Variants in SGCZ observed in about 807,000 individuals in gnomAD.
SGCZ encodes the protein zeta-sarcoglycan.
A neutral mutation model predicts 41.3 loss-of-function variants in SGCZ; 40 were observed. The ratio of observed to expected loss-of-function variants is 0.97; its 90% CI spans 0.75 to 1.26. The LOEUF (loss-of-function observed/expected upper bound fraction) is 1.26, where lower values mean the gene tolerates loss of function less well. SGCZ is among the 50% of genes most tolerant of loss of function. The pLI is 0.00. For missense variants in SGCZ, 552 were observed against 369.8 expected (o/e 1.49, Z -4.04); for synonymous variants, 206 against 137.5 (o/e 1.50, Z -3.49).
At chr8:14,987,216 C>T (rs117306691) in intron 1 of SGCZ, among the ~76,000 whole-genome samples, 3,616 of 151,864 alleles carry the variant, frequency 0.024, 74 homozygotes, top group South Asian at 0.099. Context: ...CCAAAAAGTA[C>T]ATTATAGATA....
chr8:14,262,500 C>A (rs1799709403), intron 3 of SGCZ, among the ~76,000 whole-genome samples: 2 of 151,816 alleles, frequency 1.3e-5, no homozygotes. Context: ...GACAAATAGC[C>A]ATAGTATTTC....
chr8:14,433,272 T>C lies in SGCZ; in HGVS notation c.235-109068A>G, dbSNP rs552608572. Among the ~76,000 whole-genome samples, 3 of 152,278 alleles carry C rather than the reference T, an allele frequency of 2.0e-5. No homozygotes were observed. The South Asian group carries it at 6.2e-4, about 32-fold the overall frequency. On this transcript the variant is annotated intron_variant, in intron 2 of 7. Transcript: ENST00000382080. ...CTGAATAAAGATAACATTTAAACAA[T>C]ACAATTGTTTTATTACTTGTCCGTT...
At chr8:14,866,861 A>AG (rs1803950363) in intron 1 of SGCZ, among the ~76,000 whole-genome samples, 1 of 152,180 alleles carries the variant, frequency 6.6e-6, no homozygotes, top group African/African-American at 2.4e-5. Context: ...AAAGAAAAAA[A>AG]AGTTTATCTG....
At chr8:14,441,651 C>CTCAAGATATGA in intron 2 of SGCZ, among the ~76,000 whole-genome samples, 1 of 152,154 alleles carries the variant, frequency 6.6e-6, no homozygotes, top group South Asian at 2.1e-4. Context: ...CAAGGCTTTT[C>CTCAAGATATGA]AGATTCATAT....
At chr8:14,164,108 A>G (rs966644415) in intron 5 of SGCZ, among the ~76,000 whole-genome samples, 11 of 152,266 alleles carry the variant, frequency 7.2e-5, no homozygotes, top group African/African-American at 2.4e-4. Flanking sequence ...TGTGTATAGC[A>G]TTAGTTTTTT....
intron 1 of SGCZ, among the ~76,000 whole-genome samples, chr8:14,680,964 G>GAAAAAA (rs71209075): frequency 5.1e-5 from 6 of 117,932 alleles, no homozygotes; most frequent in South Asian, 2.8e-4. Flanking sequence ...AAAAGAGTGG[G>GAAAAAA]AAAAAAAAAA....
intron 1 of SGCZ, among the ~76,000 whole-genome samples, chr8:14,883,510 T>C (rs1474081180): frequency 6.6e-6 from 1 of 152,130 alleles, no homozygotes; most frequent in Non-Finnish European, 1.5e-5. Flanking sequence ...GATCCAATCC[T>C]TATTTTATTT....
intron 5 of SGCZ, among the ~76,000 whole-genome samples, chr8:14,113,148 C>G (rs949815553): frequency 2.0e-5 from 3 of 152,076 alleles, no homozygotes; most frequent in Non-Finnish European, 4.4e-5. Context: ...CCATTGATAT[C>G]TCACCTGTGC....
intron 1 of SGCZ, among the ~76,000 whole-genome samples, chr8:14,984,236 G>C (rs969148591): frequency 6.6e-6 from 1 of 152,052 alleles, no homozygotes; most frequent in Non-Finnish European, 1.5e-5. Flanking sequence ...ATTCCAGACA[G>C]CAAAACATTT....
At chr8:14,983,797 G>T (rs1801746416) in intron 1 of SGCZ, among the ~76,000 whole-genome samples, 4 of 152,092 alleles carry the variant, frequency 2.6e-5, no homozygotes, top group Admixed American at 2.6e-4. Context: ...GTTTTCTACT[G>T]CCTGAGCTCC....
intron 1 of SGCZ, among the ~76,000 whole-genome samples, chr8:14,702,813 GTAGATAGATAGA>G (rs71209077): frequency 0.14 from 16,178 of 114,504 alleles, 1,275 homozygotes; most frequent in African/African-American, 0.19. Context: ...AGGTAGTTAG[GTAGATAGATAGA>G]TAGATAGATA....
intron 5 of SGCZ, among the ~76,000 whole-genome samples, chr8:14,133,640 C>A (rs1803108240): frequency 6.6e-6 from 1 of 152,090 alleles, no homozygotes; most frequent in African/African-American, 2.4e-5. Flanking sequence ...AAGATTTTTA[C>A]CATTTTGAAG....
intron 1 of SGCZ, among the ~76,000 whole-genome samples, chr8:14,846,864 G>C (rs1397126673): frequency 6.6e-6 from 1 of 152,024 alleles, no homozygotes; most frequent in Non-Finnish European, 1.5e-5. Flanking sequence ...GAGTTCAGGA[G>C]TTTGAGACCA....
intron 1 of SGCZ, among the ~76,000 whole-genome samples, chr8:14,842,762 C>A (rs1290118642): frequency 1.3e-5 from 2 of 152,134 alleles, no homozygotes; most frequent in African/African-American, 2.4e-5. Context: ...GATTTGTACA[C>A]TGGATTTTAA....
intron 1 of SGCZ, among the ~76,000 whole-genome samples, chr8:14,908,670 A>G (rs1056163714): frequency 6.7e-6 from 1 of 149,576 alleles, no homozygotes; most frequent in Non-Finnish European, 1.5e-5. Context: ...GAATCGCTGG[A>G]ACCTGGGAGG....
chr8:14,891,558 T>C (rs1186838145), intron 1 of SGCZ, among the ~76,000 whole-genome samples: 1 of 152,248 alleles, frequency 6.6e-6, no homozygotes, highest in African/African-American at 2.4e-5. Flanking sequence ...AATCTACTCC[T>C]AGTGAAGATG....
intron 4 of SGCZ, among the ~76,000 whole-genome samples, chr8:14,225,951 C>T (rs902888330): frequency 1.3e-5 from 2 of 151,982 alleles, no homozygotes; most frequent in African/African-American, 2.4e-5. Flanking sequence ...GTATCATAGA[C>T]CTTATCAAAA....
chr8:14,101,924 G>A (rs55674347), intron 7 of SGCZ, among the ~76,000 whole-genome samples: 1 of 151,484 alleles, frequency 6.6e-6, no homozygotes, highest in Non-Finnish European at 1.5e-5. Context: ...ACGGAGTCTC[G>A]CTCTGTCGCC....
intron 2 of SGCZ, among the ~76,000 whole-genome samples, chr8:14,509,774 C>T (rs535620628): frequency 2.0e-5 from 3 of 152,052 alleles, no homozygotes; most frequent in South Asian, 2.1e-4. Context: ...TGGGAGGCCT[C>T]GGGAGACTTA....
Sources: allele counts gnomAD v4.1 joint callset (sites outside exome capture counted in the v4.1 genomes callset), GRCh38; gene constraint gnomAD v4.1.1; transcripts MANE v1.5; gene names NCBI Gene and HGNC (gene_info 2026-07-23, HGNC 2026-07-21).